PKIG: variants seen among roughly 807,000 people sequenced by gnomAD.
PKIG encodes cAMP-dependent protein kinase inhibitor gamma, also known as protein kinase (cAMP-dependent, catalytic) inhibitor gamma.
In PKIG, 1 loss-of-function variant was observed where a neutral mutation model predicts 6.8. That is an observed-to-expected ratio of 0.15 (90% CI 0.05 to 0.69). The LOEUF is 0.69. PKIG is among the 30% of genes least tolerant of loss of function. PKIG has a pLI of 0.82. For synonymous variants in PKIG, 39 were observed against 43.0 expected (o/e 0.91, Z 0.36); for missense variants, 77 against 104.0 (o/e 0.74, Z 1.13).
rs1238930600 is a variant in PKIG, at chr20:44,618,363, G to C, written c.230G>C (p.Ter77SerextTer2). ...AGCAGCGATGGGACCACCTCGTCTT[G>C]AATCTGACCTTGTCCAAGAAGGCTG... is the stretch of plus-strand genomic sequence containing the variant. ...PQSSDGTTSS* is the reference protein window; with the variant it reads ...PQSSDGTTSSS Residue 77 changes from the stop codon to serine, a stop_lost, in exon 4 of 4, where the codon TGA becomes TCA. Coordinates refer to ENST00000372886, the MANE Select transcript of PKIG (RefSeq NM_001281445.2). The C allele has an allele frequency of 6.2e-7, 1 of 1,606,586 alleles. No homozygotes were observed. Among genetic ancestry groups the C allele is most frequent in the Admixed American group, 1.7e-5 (1 of 59,990 alleles).
chr20:44,555,033 ATC>A (rs1256104229), intron 1 of PKIG, among the ~76,000 whole-genome samples: 2 of 152,150 alleles, frequency 1.3e-5, no homozygotes, highest in Non-Finnish European at 2.9e-5. Flanking sequence ...CTATTTTAAT[ATC>A]TGTTTTAATA....
chr20:44,575,078 G>A (rs2064885116), intron 1 of PKIG, among the ~76,000 whole-genome samples: 2 of 151,580 alleles, frequency 1.3e-5, no homozygotes, highest in East Asian at 2.0e-4. Context: ...TTTTGAGACA[G>A]TCTCGCTCTA....
intron 1 of PKIG, among the ~76,000 whole-genome samples, chr20:44,557,849 A>G (rs934546327): frequency 6.6e-6 from 1 of 151,588 alleles, no homozygotes; most frequent in Non-Finnish European, 1.5e-5. Flanking sequence ...ATAAAAAAAA[A>G]AGCTGTGGTG....
rs114773011 is a variant in PKIG at position 44,587,837 on chromosome 20, G to A, written c.-93-1960G>A. Among the ~76,000 whole-genome samples the A allele has an allele frequency of 5.2e-3, 791 of 152,282 alleles. 8 individuals are homozygous for A. Among genetic ancestry groups the A allele is most frequent in the African/African-American group, 0.018 (755 of 41,558 alleles). The stretch of plus-strand genomic sequence containing the variant: ...GTTTGCATATCTCAAAGGTGCTTGT[G>A]TTGTGGGCTCCAATCACTACTATCT... On this transcript the variant is annotated intron_variant, in intron 1 of 3. Transcript: ENST00000372886.
chr20:44,605,478 C>A (rs1353284518), intron 2 of PKIG, among the ~76,000 whole-genome samples: 1 of 149,354 alleles, frequency 6.7e-6, no homozygotes, highest in East Asian at 2.0e-4. Context: ...ACAATGATAG[C>A]TTTTTACATC....
chr20:44,555,163 C>T (rs1031682336), intron 1 of PKIG, among the ~76,000 whole-genome samples: 7 of 151,976 alleles, frequency 4.6e-5, no homozygotes, highest in South Asian at 2.1e-4. Flanking sequence ...AAGATACTAT[C>T]GATAGAATTA....
At chr20:44,546,701 C>T (rs560086465) in intron 1 of PKIG, among the ~76,000 whole-genome samples, 3 of 152,098 alleles carry the variant, frequency 2.0e-5, no homozygotes, top group Admixed American at 1.3e-4. Flanking sequence ...TACAGGCATG[C>T]ACCACCACTC....
intron 2 of PKIG, among the ~76,000 whole-genome samples, chr20:44,595,528 T>A (rs187228856): frequency 1.2e-3 from 186 of 152,266 alleles, no homozygotes; most frequent in Non-Finnish European, 1.6e-3. Context: ...TTATTTATTT[T>A]TTTGAGATGG....
At chr20:44,604,211 G>A (rs773939100) in intron 2 of PKIG, among the ~76,000 whole-genome samples, 2 of 152,234 alleles carry the variant, frequency 1.3e-5, no homozygotes, top group Non-Finnish European at 2.9e-5. Flanking sequence ...GCTTTAAGGT[G>A]CAGGATGCCT....
intron 2 of PKIG, among the ~76,000 whole-genome samples, chr20:44,599,876 C>CA (rs2065106260): frequency 6.6e-6 from 1 of 152,190 alleles, no homozygotes; most frequent in Admixed American, 6.5e-5. Flanking sequence ...ACTGTAGGGA[C>CA]AGCAGCTGAG....
At chr20:44,595,597 T>G (rs1231023756) in intron 2 of PKIG, among the ~76,000 whole-genome samples, 2 of 152,234 alleles carry the variant, frequency 1.3e-5, no homozygotes, top group African/African-American at 4.8e-5. Flanking sequence ...CACTGCAACC[T>G]CCGCCTCCTG....
rs538944501 is a variant in PKIG, at chr20:44,576,634, C to T, written c.-240-5951C>T. ...GTACTACCTCAGGATAGTCCCTTGC[C>T]TTCTCTGGATCTGGCATTCCTCACC... is the stretch of plus-strand genomic sequence containing the variant. On this transcript the variant is annotated intron_variant, in intron 1 of 4. Transcript: ENST00000372887. 2.6e-5 allele frequency among the ~76,000 whole-genome samples: 4 copies of T among 152,262 alleles called. No homozygotes were observed. The South Asian group carries it at 8.3e-4, about 32-fold the overall frequency.
At chr20:44,576,170 T>C (rs985682195) in intron 1 of PKIG, among the ~76,000 whole-genome samples, 95 of 151,154 alleles carry the variant, frequency 6.3e-4, no homozygotes, top group African/African-American at 1.9e-3. Flanking sequence ...TGTGTGTGTG[T>C]GTGTGTGTGT....
chr20:44,583,954 C>T (rs960604157), intron 1 of PKIG, among the ~76,000 whole-genome samples: 1 of 151,968 alleles, frequency 6.6e-6, no homozygotes, highest in African/African-American at 2.4e-5. Flanking sequence ...ATTAGGTGTT[C>T]TTGAAGAAAG....
chr20:44,599,167 G>T (rs144988049), intron 2 of PKIG, among the ~76,000 whole-genome samples: 4 of 152,264 alleles, frequency 2.6e-5, no homozygotes, highest in African/African-American at 9.6e-5. Context: ...TTATTATGAA[G>T]CTGGGGGCAG....
chr20:44,553,437 C>T (rs1032276203), intron 1 of PKIG, among the ~76,000 whole-genome samples: 6 of 152,132 alleles, frequency 3.9e-5, no homozygotes, highest in African/African-American at 1.4e-4. Context: ...GGAAAGTTTG[C>T]TCTTCTGAGA....
chr20:44,555,776 T>C (rs2064707444), intron 1 of PKIG, among the ~76,000 whole-genome samples: 1 of 152,238 alleles, frequency 6.6e-6, no homozygotes, highest in African/African-American at 2.4e-5. Context: ...AAAATACTTG[T>C]GTGATAAGGT....
At chr20:44,553,869 GGTTA>G (rs2064690145) in intron 1 of PKIG, among the ~76,000 whole-genome samples, 1 of 152,028 alleles carries the variant, frequency 6.6e-6, no homozygotes, top group Non-Finnish European at 1.5e-5. Flanking sequence ...AGGAGAAAAG[GGTTA>G]GTTAGGGGAA....
At chr20:44,570,874 G>A (rs1261909400) in intron 1 of PKIG, among the ~76,000 whole-genome samples, 1 of 152,134 alleles carries the variant, frequency 6.6e-6, no homozygotes, top group African/African-American at 2.4e-5. Context: ...TCTCAGCTAA[G>A]GTCTCAGTGA....
Sources: gnomAD v4.1 joint callset for allele counts (sites outside exome capture counted in the v4.1 genomes callset) on GRCh38, gnomAD v4.1.1 for gene constraint, MANE v1.5 for transcripts, NCBI Gene and HGNC (gene_info 2026-07-23, HGNC 2026-07-21) for gene names.